Variants in PLCB1 observed in about 807,000 individuals in gnomAD.
The protein encoded by PLCB1 is phospholipase C beta 1, also known as 1-phosphatidylinositol 4,5-bisphosphate phosphodiesterase beta-1.
A neutral mutation model predicts 161.8 loss-of-function variants in PLCB1; 46 were observed. That is an observed-to-expected ratio of 0.28 (90% CI 0.22 to 0.36). The LOEUF is 0.36. PLCB1 is among the 10% of genes least tolerant of loss of function. The pLI is 1.00. For synonymous variants in PLCB1, 517 were observed against 503.7 expected, an observed-to-expected ratio of 1.03 and a Z score of -0.35; for missense variants, 1,016 against 1,472.5, an observed-to-expected ratio of 0.69 and a Z score of 5.07.
chr20:8,204,413 C>T (rs898721977), intron 2 of PLCB1, among the ~76,000 whole-genome samples: 1 of 152,070 alleles, frequency 6.6e-6, no homozygotes, highest in African/African-American at 2.4e-5. Context: ...CAGGCATCTT[C>T]ATAAGCACCC....
chr20:8,341,316 C>T (rs1985801569), intron 2 of PLCB1, among the ~76,000 whole-genome samples: 1 of 152,168 alleles, frequency 6.6e-6, no homozygotes, highest in Non-Finnish European at 1.5e-5. Flanking sequence ...TGCTTCCCCT[C>T]CTCCCAGTCT....
At chr20:8,458,923 T>C (rs1981448242) in intron 3 of PLCB1, among the ~76,000 whole-genome samples, 1 of 152,256 alleles carries the variant, frequency 6.6e-6, no homozygotes. Flanking sequence ...TTTGAAATGT[T>C]CAAATCCTAT....
At chr20:8,483,378 A>G (rs983672900) in intron 3 of PLCB1, among the ~76,000 whole-genome samples, 2 of 152,210 alleles carry the variant, frequency 1.3e-5, no homozygotes, top group African/African-American at 4.8e-5. Flanking sequence ...CATTAATCAC[A>G]TGCTGACATA....
intron 2 of PLCB1, among the ~76,000 whole-genome samples, chr20:8,192,085 A>G (rs996761825): frequency 6.6e-6 from 1 of 152,060 alleles, no homozygotes; most frequent in Admixed American, 6.6e-5. Context: ...GTATAGTAAC[A>G]TAAGTAATAT....
At chr20:8,163,383 T>C (rs1423472427) in intron 2 of PLCB1, among the ~76,000 whole-genome samples, 1 of 152,162 alleles carries the variant, frequency 6.6e-6, no homozygotes, top group Non-Finnish European at 1.5e-5. Context: ...TCCAGGCCAG[T>C]GGGCCCTAGG....
chr20:8,874,910 A>G (rs1987725865), intron 31 of PLCB1, among the ~76,000 whole-genome samples: 1 of 151,922 alleles, frequency 6.6e-6, no homozygotes, highest in African/African-American at 2.4e-5. Context: ...CTTCTTATAA[A>G]TTTTGTCAAA....
At chr20:8,794,410 C>T (rs1410788919) in intron 31 of PLCB1, among the ~76,000 whole-genome samples, 3 of 152,232 alleles carry the variant, frequency 2.0e-5, no homozygotes, top group Non-Finnish European at 2.9e-5. Context: ...AATCCACGTT[C>T]TTCTGCCATG....
chr20:8,530,162 A>G (rs1341573591), intron 3 of PLCB1, among the ~76,000 whole-genome samples: 1 of 152,058 alleles, frequency 6.6e-6, no homozygotes, highest in Non-Finnish European at 1.5e-5. Flanking sequence ...TATCTTTTCA[A>G]GTGTTCTGCA....
intron 2 of PLCB1, among the ~76,000 whole-genome samples, chr20:8,331,378 G>A (rs1475784921): frequency 2.6e-5 from 4 of 151,280 alleles, no homozygotes; most frequent in Non-Finnish European, 4.4e-5. Context: ...TGTTCAAATC[G>A]GGAGAAGGGC....
chr20:8,243,682 A>G (rs1210493151), intron 2 of PLCB1, among the ~76,000 whole-genome samples: 1 of 151,976 alleles, frequency 6.6e-6, no homozygotes, highest in African/African-American at 2.4e-5. Flanking sequence ...AGAATATGCA[A>G]TGCACATAGG....
intron 2 of PLCB1, among the ~76,000 whole-genome samples, chr20:8,243,178 A>C (rs1980707499): frequency 6.6e-6 from 1 of 151,982 alleles, no homozygotes; most frequent in Non-Finnish European, 1.5e-5. Flanking sequence ...GTAATAACAG[A>C]TGAGTTCTGT....
chr20:8,235,954 A>G (rs1358259802), intron 2 of PLCB1, among the ~76,000 whole-genome samples: 1 of 152,164 alleles, frequency 6.6e-6, no homozygotes, highest in Admixed American at 6.5e-5. Flanking sequence ...AGTTTTAAAT[A>G]AGTAGAAGCA....
chr20:8,309,402 A>G (rs1463573977), intron 2 of PLCB1, among the ~76,000 whole-genome samples: 1 of 152,218 alleles, frequency 6.6e-6, no homozygotes, highest in Non-Finnish European at 1.5e-5. Context: ...GTAATGGCCT[A>G]CATAGGAAAA....
chr20:8,419,262 T>C (rs1277788141), intron 3 of PLCB1, among the ~76,000 whole-genome samples: 2 of 152,196 alleles, frequency 1.3e-5, no homozygotes, highest in Non-Finnish European at 2.9e-5. Flanking sequence ...AATACTTTTA[T>C]AGGGGATTTA....
chr20:8,638,675 ACT>A (rs1468626104), intron 4 of PLCB1, among the ~76,000 whole-genome samples: 1 of 152,092 alleles, frequency 6.6e-6, no homozygotes, highest in Non-Finnish European at 1.5e-5. Context: ...CTTTTAAGAA[ACT>A]CTGTCTCTGT....
intron 31 of PLCB1, among the ~76,000 whole-genome samples, chr20:8,828,685 C>T (rs1265133314): frequency 1.3e-5 from 2 of 152,150 alleles, no homozygotes; most frequent in African/African-American, 2.4e-5. Context: ...GGTGTCATGA[C>T]AAAGCACTCT....
At chr20:8,752,550 T>C (rs1267860258) in intron 23 of PLCB1, among the ~76,000 whole-genome samples, 1 of 152,144 alleles carries the variant, frequency 6.6e-6, no homozygotes, top group African/African-American at 2.4e-5. Context: ...TCCAGCACTT[T>C]GGGAGACCGA....
At chr20:8,864,208 G>A (rs905030898) in intron 31 of PLCB1, among the ~76,000 whole-genome samples, 5 of 152,252 alleles carry the variant, frequency 3.3e-5, no homozygotes, top group African/African-American at 7.2e-5. Flanking sequence ...AGTGGCAGTC[G>A]CCTGGACAAA....
At chr20:8,244,227 T>C (rs967536111) in intron 2 of PLCB1, among the ~76,000 whole-genome samples, 8 of 151,916 alleles carry the variant, frequency 5.3e-5, no homozygotes, top group Non-Finnish European at 1.5e-5. Context: ...CCTACATATA[T>C]CTACTGTATC....
Sources: allele counts gnomAD v4.1 joint callset (sites outside exome capture counted in the v4.1 genomes callset), GRCh38; gene constraint gnomAD v4.1.1; transcripts MANE v1.5; gene names NCBI Gene and HGNC (gene_info 2026-07-23, HGNC 2026-07-21).